EMSY: variants seen among roughly 807,000 people sequenced by gnomAD.
EMSY encodes the protein EMSY transcriptional repressor, BRCA2 interacting, also known as BRCA2-interacting transcriptional repressor EMSY.
Under a neutral mutation model 134.6 loss-of-function variants are expected in EMSY, and 26 were observed. The observed-to-expected ratio is 0.19, with a 90% CI of 0.14 to 0.27. The LOEUF (loss-of-function observed/expected upper bound fraction) is 0.27. EMSY is among the 10% of genes least tolerant of loss of function. The probability of loss-of-function intolerance (pLI) is 1.00; values close to 1 mark genes in which losing one functional copy is unlikely to be tolerated. For missense variants in EMSY, 1,305 were observed against 1,611.4 expected (o/e 0.81, Z 3.26); for synonymous variants, 579 against 577.8 (o/e 1.00, Z -0.03).
At chr11:76,542,084 T>G in intron 17 of EMSY, 132 bp from the exon 19 acceptor site, 1 of 1,138,866 alleles carries the variant, frequency 8.8e-7, no homozygotes, top group Non-Finnish European at 1.3e-6. Context: ...GACTGTGGTC[T>G]TCTGCCTCCT....
At chr11:76,514,202 C>T (rs1320816536) in intron 10 of EMSY, among the ~76,000 whole-genome samples, 1 of 151,848 alleles carries the variant, frequency 6.6e-6, no homozygotes, top group Non-Finnish European at 1.5e-5. Context: ...ATAATAATAC[C>T]TATGCCATAA....
At chr11:76,543,754 TC>T (rs1311459155) in intron 18 of EMSY, among the ~76,000 whole-genome samples, 1 of 152,096 alleles carries the variant, frequency 6.6e-6, no homozygotes, top group Non-Finnish European at 1.5e-5. Flanking sequence ...ATGATCTTCA[TC>T]CATGCAGGGG....
chr11:76,541,938 G>T (rs1040530970), intron 17 of EMSY: 2 of 590,288 alleles, frequency 3.4e-6, no homozygotes, highest in Non-Finnish European at 6.0e-6. Flanking sequence ...TTTGTGATAA[G>T]AGTTTTCACA....
intron 11 of EMSY, among the ~76,000 whole-genome samples, chr11:76,517,266 A>G (rs1035940810): frequency 2.0e-5 from 3 of 152,208 alleles, no homozygotes; most frequent in East Asian, 1.9e-4. Context: ...ATATTTAAAG[A>G]TGTTAATTTT....
intron 15 of EMSY, among the ~76,000 whole-genome samples, chr11:76,536,821 C>T (rs1470151177): frequency 6.6e-6 from 1 of 152,148 alleles, no homozygotes; most frequent in South Asian, 2.1e-4. Flanking sequence ...CAGAGTGAGA[C>T]TCATCTTTTG....
chr11:76,529,531 TTC>T (rs1041677450), intron 14 of EMSY, among the ~76,000 whole-genome samples: 12 of 152,144 alleles, frequency 7.9e-5, no homozygotes, highest in Non-Finnish European at 1.5e-4. Context: ...TACAATATAG[TTC>T]TTGCCCTCCA....
chr11:76,503,418 A>G (rs1163637726), intron 9 of EMSY, among the ~76,000 whole-genome samples: 3 of 152,144 alleles, frequency 2.0e-5, no homozygotes, highest in African/African-American at 7.2e-5. Context: ...TAAGACATAT[A>G]GATCAATGGA....
intron 5 of EMSY, 43 bp from the exon 7 acceptor site, chr11:76,459,889 GT>G (rs1381939648): frequency 6.2e-7 from 1 of 1,604,568 alleles, no homozygotes; most frequent in Non-Finnish European, 8.5e-7. Flanking sequence ...TGCCTGGACA[GT>G]TTTGGTGAAA....
chr11:76,477,341 A>G (rs1445045939), intron 8 of EMSY, among the ~76,000 whole-genome samples: 1 of 139,654 alleles, frequency 7.2e-6, no homozygotes, highest in Admixed American at 7.0e-5. Flanking sequence ...AATTTTATTT[A>G]TAATTATATA....
chr11:76,549,703 C>G (rs1951778715), intron 20 of EMSY, among the ~76,000 whole-genome samples: 1 of 152,124 alleles, frequency 6.6e-6, no homozygotes, highest in South Asian at 2.1e-4. Context: ...CATCTACCCT[C>G]TCAGTTTCCT....
intron 9 of EMSY, among the ~76,000 whole-genome samples, chr11:76,498,589 T>G (rs1026685189): frequency 1.3e-5 from 2 of 151,518 alleles, no homozygotes; most frequent in African/African-American, 4.8e-5. Context: ...CGTTCCTTTT[T>G]TTCTGCAATT....
Position 76,445,293 on chromosome 11 carries a change from G to C in EMSY, c.-40+165G>C, listed in dbSNP as rs370058984. ...CCGGGGTGGACTCAGGGGGACTCTG[G>C]CTGGCCTGGTGCTGGGACTCTGGGG... is the stretch of plus-strand genomic sequence containing the variant. On this transcript the variant is annotated intron_variant, in intron 1 of 20. Coordinates refer to ENST00000334736, the Ensembl canonical transcript of EMSY. Among the ~76,000 whole-genome samples, 7 of 152,300 alleles carry C rather than the reference G, an allele frequency of 4.6e-5. No individual in the cohort carries two copies. In the South Asian group the frequency reaches 1.4e-3, roughly 32 times the overall value.
intron 7 of EMSY, among the ~76,000 whole-genome samples, chr11:76,468,951 A>G (rs1295684889): frequency 6.6e-6 from 1 of 152,150 alleles, no homozygotes; most frequent in Admixed American, 6.5e-5. Flanking sequence ...ACTTGGTTTT[A>G]AACCCCTATA....
At chr11:76,448,190 GA>G (rs1417973587) in intron 2 of EMSY, among the ~76,000 whole-genome samples, 1 of 152,150 alleles carries the variant, frequency 6.6e-6, no homozygotes, top group Non-Finnish European at 1.5e-5. Context: ...AAATCAGATA[GA>G]ATCATAGCTG....
At chr11:76,479,391 C>T (rs1034775999) in intron 8 of EMSY, among the ~76,000 whole-genome samples, 3 of 152,164 alleles carry the variant, frequency 2.0e-5, no homozygotes, top group Non-Finnish European at 2.9e-5. Flanking sequence ...TCCTTGTACA[C>T]CCAGATTCCC....
At chr11:76,533,984 TACA>T (rs1951137511) in intron 14 of EMSY, among the ~76,000 whole-genome samples, 2 of 152,176 alleles carry the variant, frequency 1.3e-5, no homozygotes, top group Non-Finnish European at 2.9e-5. Flanking sequence ...ACAGGGTTGC[TACA>T]GTGATACTTA....
chr11:76,510,858 T>TAC (rs1417164125), intron 9 of EMSY, among the ~76,000 whole-genome samples: 2 of 152,250 alleles, frequency 1.3e-5, no homozygotes, highest in Non-Finnish European at 1.5e-5. Flanking sequence ...GAATGGAATG[T>TAC]ACCCCTTGCT....
At chr11:76,486,931 C>G (rs144971448) in intron 8 of EMSY, among the ~76,000 whole-genome samples, 2,258 of 152,300 alleles carry the variant, frequency 0.015, 29 homozygotes, top group Non-Finnish European at 0.022. Flanking sequence ...AATAACAAAT[C>G]ATGTCAGTTT....
At chr11:76,485,992 GA>G (rs1396889765) in intron 8 of EMSY, among the ~76,000 whole-genome samples, 1 of 152,164 alleles carries the variant, frequency 6.6e-6, no homozygotes, top group East Asian at 1.9e-4. Flanking sequence ...CAAAGACTTG[GA>G]ACCAACCCAA....
Sources: gnomAD v4.1 joint callset for allele counts (sites outside exome capture counted in the v4.1 genomes callset) on GRCh38, gnomAD v4.1.1 for gene constraint, MANE v1.5 for transcripts, NCBI Gene and HGNC (gene_info 2026-07-23, HGNC 2026-07-21) for gene names.